The following SLC10A7 variants were observed in gnomAD, a reference collection of about 807,000 sequenced individuals.
SLC10A7 encodes solute carrier family 10 member 7, also known as sodium/bile acid cotransporter 7.
A neutral mutation model predicts 43.2 loss-of-function variants in SLC10A7; 29 were observed. That is an observed-to-expected ratio of 0.67 (90% confidence interval 0.50 to 0.92). The LOEUF is 0.92. SLC10A7 is among the 40% of genes least tolerant of loss of function. The probability of loss-of-function intolerance (pLI) is 0.00; values close to 1 mark genes in which losing one functional copy is unlikely to be tolerated. For missense variants in SLC10A7, 295 were observed against 403.2 expected, an observed-to-expected ratio of 0.73 and a Z score of 2.30; for synonymous variants, 152 against 144.8, an observed-to-expected ratio of 1.05 and a Z score of -0.35.
intron 5 of SLC10A7, among the ~76,000 whole-genome samples, chr4:146,429,874 G>GA (rs1484943302): frequency 1.3e-5 from 2 of 151,098 alleles, no homozygotes; most frequent in Non-Finnish European, 3.0e-5. Flanking sequence ...TAAAGGCAAT[G>GA]AAAAAAAATC....
intron 10 of SLC10A7, among the ~76,000 whole-genome samples, chr4:146,264,851 T>C (rs1728457243): frequency 1.3e-5 from 2 of 152,366 alleles, no homozygotes; most frequent in South Asian, 4.1e-4. Flanking sequence ...CAGTTTTCAC[T>C]GCCATCTTCC....
chr4:146,417,412 G>A (rs1445624937), intron 5 of SLC10A7, among the ~76,000 whole-genome samples: 3 of 152,188 alleles, frequency 2.0e-5, no homozygotes, highest in Non-Finnish European at 2.9e-5. Context: ...TAACTACTAT[G>A]TGGAGAATAG....
intron 5 of SLC10A7, among the ~76,000 whole-genome samples, chr4:146,337,217 A>G (rs1266580032): frequency 6.6e-6 from 1 of 152,086 alleles, no homozygotes; most frequent in Non-Finnish European, 1.5e-5. Context: ...CCAAGGAGGA[A>G]GCAAAAGGAA....
At chr4:146,344,563 T>A (rs1370406672) in intron 5 of SLC10A7, among the ~76,000 whole-genome samples, 1 of 152,060 alleles carries the variant, frequency 6.6e-6, no homozygotes, top group Admixed American at 6.6e-5. Flanking sequence ...ACCTACGGGT[T>A]CCTAAGACCT....
At chr4:146,330,676 A>G (rs968524013) in intron 5 of SLC10A7, among the ~76,000 whole-genome samples, 2 of 152,342 alleles carry the variant, frequency 1.3e-5, no homozygotes, top group Admixed American at 6.5e-5. Flanking sequence ...ACATTTATGC[A>G]GTACTTATGC....
At chr4:146,433,726 A>G (rs1287507641) in intron 5 of SLC10A7, among the ~76,000 whole-genome samples, 1 of 151,906 alleles carries the variant, frequency 6.6e-6, no homozygotes, top group Non-Finnish European at 1.5e-5. Context: ...TTAGCCAGGC[A>G]AGGTGGTGCA....
intron 7 of SLC10A7, among the ~76,000 whole-genome samples, chr4:146,298,225 C>A (rs2111213670): frequency 6.6e-6 from 1 of 152,268 alleles, no homozygotes; most frequent in Admixed American, 6.5e-5. Context: ...GCTTTAGAGA[C>A]CGGGCCTGTC....
In SLC10A7 at chr4:146,258,697, G is replaced by A. The variant is rs1447177193; in HGVS notation, c.988C>T (p.Gln330Ter). The A allele has an allele frequency of 6.3e-7, 1 of 1,588,846 alleles. No homozygotes were observed. The highest frequency in any genetic ancestry group is 1.4e-5 in the African/African-American group (1 of 73,252). Reference protein sequence around the residue: ...PTIKSWMVSRQKGVKLTRPTV With the variant: ...PTIKSWMVSR ...AGATCTTTCTGGGGACTCACCTTCT[G>A]CCTTGATACCATCCAAGACTTGATT... Residue 330 changes from glutamine (Q) to a stop codon, truncating the protein, a stop_gained, in exon 11 of 12, where the codon CAG becomes TAG. Transcript: ENST00000335472. LOFTEE classifies it high-confidence loss of function.
At chr4:146,426,272 A>G (rs1729347430) in intron 5 of SLC10A7, among the ~76,000 whole-genome samples, 1 of 152,212 alleles carries the variant, frequency 6.6e-6, no homozygotes, top group Non-Finnish European at 1.5e-5. Context: ...ACATCATGCT[A>G]CCATCAAAGC....
At chr4:146,412,517 T>C (rs1233831590) in intron 5 of SLC10A7, among the ~76,000 whole-genome samples, 1 of 152,140 alleles carries the variant, frequency 6.6e-6, no homozygotes, top group African/African-American at 2.4e-5. Flanking sequence ...CTGCCTACCA[T>C]GACCTAAGTT....
At chr4:146,260,628 A>G (rs76987541) in intron 10 of SLC10A7, among the ~76,000 whole-genome samples, 3,808 of 152,292 alleles carry the variant, frequency 0.025, 114 homozygotes, top group African/African-American at 0.076. Context: ...AAAAAGTTCT[A>G]TTGATGAGGA....
intron 5 of SLC10A7, among the ~76,000 whole-genome samples, chr4:146,354,326 T>C (rs1388567421): frequency 6.6e-6 from 1 of 152,096 alleles, no homozygotes; most frequent in Admixed American, 6.5e-5. Flanking sequence ...GAATCCAACT[T>C]ACAAGGGATG....
intron 7 of SLC10A7, among the ~76,000 whole-genome samples, chr4:146,294,706 T>C (rs542910326): frequency 4.6e-5 from 7 of 152,342 alleles, no homozygotes; most frequent in African/African-American, 1.4e-4. Context: ...AAATGCCATT[T>C]GCATACTTTT....
rs10678013 is a variant in SLC10A7 at position 146,445,891 on chromosome 4, CTGTGTGTGTGTG to C, written c.397-3082_397-3071del. 1.8e-4 allele frequency among the ~76,000 whole-genome samples: 27 copies of C among 148,690 alleles called. No homozygotes were observed. In the South Asian group the frequency reaches 5.6e-3, roughly 31 times the overall value. On this transcript the variant is annotated intron_variant, in intron 4 of 11. Transcript: ENST00000335472. ...GCTTCTCTCTTCTCTCTTCTCTCTT[CTGTGTGTGTGTG>C]TGTGTGTGTGTGCACGTGCGCACGC...
At chr4:146,408,745 TC>T (rs961122294) in intron 5 of SLC10A7, 29 of 152,174 alleles carry the variant, frequency 1.9e-4, no homozygotes, top group African/African-American at 6.7e-4. Flanking sequence ...CTCTGAAGCA[TC>T]CTTTAATTCT....
At chr4:146,260,792 G>A (rs1728174468) in intron 10 of SLC10A7, among the ~76,000 whole-genome samples, 1 of 152,164 alleles carries the variant, frequency 6.6e-6, no homozygotes, top group African/African-American at 2.4e-5. Context: ...GGCCTGGCAT[G>A]CAAAACACTT....
At chr4:146,399,808 C>T (rs1354699127) in intron 5 of SLC10A7, among the ~76,000 whole-genome samples, 1 of 151,650 alleles carries the variant, frequency 6.6e-6, no homozygotes, top group Non-Finnish European at 1.5e-5. Flanking sequence ...CTACTTTGCG[C>T]ACAGTAAGCT....
intron 5 of SLC10A7, among the ~76,000 whole-genome samples, chr4:146,338,920 C>T (rs1734070841): frequency 6.6e-6 from 1 of 151,742 alleles, no homozygotes; most frequent in Non-Finnish European, 1.5e-5. Flanking sequence ...TCATCCCTAC[C>T]CTAAAAGGCC....
At chr4:146,300,017 G>T (rs1473729510) in intron 7 of SLC10A7, among the ~76,000 whole-genome samples, 1 of 152,188 alleles carries the variant, frequency 6.6e-6, no homozygotes, top group East Asian at 1.9e-4. Flanking sequence ...CAGGGTTGGG[G>T]CTTTTTGAGC....
Sources: allele counts gnomAD v4.1 joint callset (sites outside exome capture counted in the v4.1 genomes callset), GRCh38; gene constraint gnomAD v4.1.1; transcripts MANE v1.5; gene names NCBI Gene and HGNC (gene_info 2026-07-23, HGNC 2026-07-21).